Variants in MAGI2 observed in about 807,000 individuals in gnomAD.
The protein encoded by MAGI2 is membrane-associated guanylate kinase, WW and PDZ domain-containing protein 2.
A neutral mutation model predicts 133.3 loss-of-function variants in MAGI2; 35 were observed. The observed-to-expected ratio is 0.26, with a 90% CI of 0.20 to 0.35. The LOEUF (loss-of-function observed/expected upper bound fraction) is 0.35. MAGI2 is among the 10% of genes least tolerant of loss of function. The pLI is 1.00. For missense variants in MAGI2, 1,636 were observed against 1,863.4 expected (o/e 0.88, Z 2.25); for synonymous variants, 729 against 710.6 (o/e 1.03, Z -0.41).
At chr7:78,571,666 G>A (rs2150769982) in intron 3 of MAGI2, among the ~76,000 whole-genome samples, 1 of 152,032 alleles carries the variant, frequency 6.6e-6, no homozygotes, top group East Asian at 1.9e-4. Context: ...TGAAATGTTA[G>A]GTTTGATCAT....
chr7:78,309,241 T>C (rs766786583), intron 9 of MAGI2, among the ~76,000 whole-genome samples: 1 of 152,160 alleles, frequency 6.6e-6, no homozygotes, highest in Non-Finnish European at 1.5e-5. Flanking sequence ...TGCATTTGTA[T>C]GTTCACTGTG....
intron 1 of MAGI2, among the ~76,000 whole-genome samples, chr7:79,204,143 C>G (rs1361057972): frequency 9.2e-5 from 14 of 151,970 alleles, no homozygotes; most frequent in Admixed American, 9.2e-4. Flanking sequence ...AACATTGGGC[C>G]CACCAAAGTA....
At chr7:78,326,526 T>C (rs1051740459) in intron 9 of MAGI2, among the ~76,000 whole-genome samples, 1 of 152,210 alleles carries the variant, frequency 6.6e-6, no homozygotes, top group East Asian at 1.9e-4. Context: ...CCTGAAAGGA[T>C]GCCTGATGCA....
intron 1 of MAGI2, among the ~76,000 whole-genome samples, chr7:79,163,528 C>T (rs891066015): frequency 6.6e-6 from 1 of 152,088 alleles, no homozygotes; most frequent in Non-Finnish European, 1.5e-5. Flanking sequence ...TGATTTATAA[C>T]CTCCTCAGGA....
At chr7:79,051,428 T>C (rs1812657732) in intron 1 of MAGI2, among the ~76,000 whole-genome samples, 1 of 152,242 alleles carries the variant, frequency 6.6e-6, no homozygotes, top group Non-Finnish European at 1.5e-5. Context: ...ATTCTATTTC[T>C]TTATTATAAT....
chr7:78,306,535 A>G (rs1318593912), intron 9 of MAGI2, among the ~76,000 whole-genome samples: 3 of 152,210 alleles, frequency 2.0e-5, no homozygotes. Flanking sequence ...CAAGTCATTT[A>G]AATAAAAGAC....
chr7:78,058,760 G>T (rs902360211), intron 21 of MAGI2, among the ~76,000 whole-genome samples: 1 of 152,000 alleles, frequency 6.6e-6, no homozygotes, highest in Non-Finnish European at 1.5e-5. Context: ...AGGAACTAAG[G>T]CATCTTATAA....
At chr7:78,686,842 A>G (rs1462039263) in intron 2 of MAGI2, among the ~76,000 whole-genome samples, 1 of 152,190 alleles carries the variant, frequency 6.6e-6, no homozygotes, top group African/African-American at 2.4e-5. Flanking sequence ...CAGCAAAGGG[A>G]AACCTTTTCT....
At chr7:78,186,595 C>A (rs1282130469) in intron 12 of MAGI2, among the ~76,000 whole-genome samples, 1 of 152,140 alleles carries the variant, frequency 6.6e-6, no homozygotes, top group Non-Finnish European at 1.5e-5. Flanking sequence ...GTCTTACTAT[C>A]ATAGAGGCAT....
chr7:79,316,862 G>A (rs1436443909), intron 1 of MAGI2, among the ~76,000 whole-genome samples: 2 of 152,032 alleles, frequency 1.3e-5, no homozygotes, highest in African/African-American at 4.8e-5. Flanking sequence ...TTATGGATGA[G>A]GAAATCAAGG....
intron 2 of MAGI2, among the ~76,000 whole-genome samples, chr7:78,735,528 C>T (rs1387481685): frequency 6.6e-6 from 1 of 152,160 alleles, no homozygotes; most frequent in Non-Finnish European, 1.5e-5. Flanking sequence ...ATTGGTTTTC[C>T]TTGTTCCATC....
rs757219493 is a variant in MAGI2, at chr7:78,712,127, G to A, written c.419-84888C>T. ...TTCTAAAAAGAAATTAAAATAAAATGTATCTTAGATGATGTAGAGTTTGGC... is the reference window on the plus strand; with the variant it reads ...TTCTAAAAAGAAATTAAAATAAAATATATCTTAGATGATGTAGAGTTTGGC... On this transcript the variant is annotated intron_variant, in intron 2 of 21. Transcript: ENST00000354212. Among the ~76,000 whole-genome samples the A allele has an allele frequency of 7.9e-5, 12 of 152,256 alleles. No individual in the cohort carries two copies. In the South Asian group the frequency reaches 1.0e-3, roughly 13 times the overall value.
intron 21 of MAGI2, among the ~76,000 whole-genome samples, chr7:78,031,969 T>C (rs866331311): frequency 3.8e-4 from 58 of 151,478 alleles, no homozygotes; most frequent in Middle Eastern, 3.5e-3. Context: ...TGTGCAACTA[T>C]ATCCCCAACA....
chr7:78,238,280 G>T (rs543506536), intron 10 of MAGI2, among the ~76,000 whole-genome samples: 2 of 152,146 alleles, frequency 1.3e-5, no homozygotes, highest in South Asian at 2.1e-4. Context: ...ATGGCTTAAA[G>T]GCATCTCAAG....
At chr7:78,412,502 A>G (rs1797957964) in intron 6 of MAGI2, among the ~76,000 whole-genome samples, 1 of 152,088 alleles carries the variant, frequency 6.6e-6, no homozygotes, top group Non-Finnish European at 1.5e-5. Flanking sequence ...GATGTTAGAA[A>G]GGAAGGATAA....
intron 3 of MAGI2, among the ~76,000 whole-genome samples, chr7:78,600,663 A>G (rs1489316653): frequency 1.3e-5 from 2 of 152,192 alleles, no homozygotes; most frequent in South Asian, 2.1e-4. Context: ...ACTGGAGTGA[A>G]TAATATTTAC....
At chr7:79,432,074 T>G (rs1334544126) in intron 1 of MAGI2, among the ~76,000 whole-genome samples, 1 of 152,224 alleles carries the variant, frequency 6.6e-6, no homozygotes, top group Non-Finnish European at 1.5e-5. Context: ...TTTCCTGGAA[T>G]GTAGCTAAGG....
chr7:79,156,770 T>C (rs1823818018), intron 1 of MAGI2, among the ~76,000 whole-genome samples: 2 of 152,136 alleles, frequency 1.3e-5, no homozygotes, highest in South Asian at 4.1e-4. Context: ...TAATGGTCAC[T>C]CATATTTGGC....
At chr7:78,705,688 C>A (rs13234228) in intron 2 of MAGI2, among the ~76,000 whole-genome samples, 10 of 151,796 alleles carry the variant, frequency 6.6e-5, no homozygotes, top group Admixed American at 2.0e-4. Context: ...TCATGTAGGC[C>A]AATATTTTCT....
Sources: gnomAD v4.1 joint callset for allele counts (sites outside exome capture counted in the v4.1 genomes callset) on GRCh38, gnomAD v4.1.1 for gene constraint, MANE v1.5 for transcripts, NCBI Gene and HGNC (gene_info 2026-07-23, HGNC 2026-07-21) for gene names.